The following MCM9 variants were observed in gnomAD, a reference collection of about 807,000 sequenced individuals.
MCM9 encodes the protein DNA helicase MCM9.
Under a neutral mutation model 72.8 loss-of-function variants are expected in MCM9, and 55 were observed. The observed-to-expected ratio is 0.76, with a 90% CI of 0.61 to 0.95. The LOEUF (loss-of-function observed/expected upper bound fraction) is 0.95, where lower values mean the gene tolerates loss of function less well. Ranked by LOEUF, MCM9 falls within the 40% of genes least tolerant of loss-of-function variation. The pLI is 0.00. For missense variants in MCM9, 1,279 were observed against 1,377.0 expected, an observed-to-expected ratio of 0.93 and a Z score of 1.13; for synonymous variants, 480 against 503.4, an observed-to-expected ratio of 0.95 and a Z score of 0.62.
chr6:118,928,568 G>C (rs1782097986), intron 3 of MCM9, among the ~76,000 whole-genome samples: 1 of 151,730 alleles, frequency 6.6e-6, no homozygotes, highest in Non-Finnish European at 1.5e-5. Flanking sequence ...AAGAAAACTA[G>C]AAGAATTCAT....
chr6:118,886,560 A>C (rs1458178103), intron 8 of MCM9, among the ~76,000 whole-genome samples: 3 of 152,354 alleles, frequency 2.0e-5, no homozygotes, highest in African/African-American at 7.2e-5. Context: ...ACACTTGGCA[A>C]AGAAGAATCT....
At chr6:118,893,138 A>G (rs1251095061) in intron 8 of MCM9, among the ~76,000 whole-genome samples, 3 of 152,318 alleles carry the variant, frequency 2.0e-5, no homozygotes, top group African/African-American at 7.2e-5. Flanking sequence ...AGGCTCACAA[A>G]TATGTTAAAG....
intron 8 of MCM9, among the ~76,000 whole-genome samples, chr6:118,888,718 C>T (rs1321531731): frequency 6.6e-6 from 1 of 152,004 alleles, no homozygotes; most frequent in Non-Finnish European, 1.5e-5. Context: ...CGTGGTATAC[C>T]TATACAATGG....
At chr6:118,818,001 T>C (rs997112411) in intron 13 of MCM9, among the ~76,000 whole-genome samples, 1 of 152,230 alleles carries the variant, frequency 6.6e-6, no homozygotes, top group Admixed American at 6.5e-5. Flanking sequence ...TATATTTTTT[T>C]AAGTTCCTTG....
chr6:118,839,023 A>C (rs1418539604), intron 9 of MCM9, among the ~76,000 whole-genome samples: 1 of 152,106 alleles, frequency 6.6e-6, no homozygotes, highest in African/African-American at 2.4e-5. Context: ...TGTGTTTTCC[A>C]ACTTGGTTCC....
intron 2 of MCM9, 50 bp downstream of exon 2, chr6:118,932,557 G>C (rs1782531353): frequency 1.1e-6 from 1 of 951,474 alleles, no homozygotes. Flanking sequence ...TCTCTCTTTA[G>C]TTATACACAC....
chr6:118,814,818 T>C lies in MCM9; in HGVS notation c.*6A>G. 1 of 1,485,618 alleles carries C rather than the reference T, an allele frequency of 6.7e-7. No individual in the cohort carries two copies. The highest frequency in any genetic ancestry group is 2.5e-5 in the East Asian group (1 of 40,396). 92.0% of individuals were successfully genotyped at this position (1,485,618 alleles called of 1,614,324 possible). ...AGGTGAGATTTGACCAGAAAGCTTT[T>C]CCCAACTATGACTTTTTTCTCATCT... is the stretch of plus-strand genomic sequence containing the variant. On this transcript the variant is annotated 3_prime_UTR_variant, in exon 14 of 14. Coordinates refer to ENST00000619706, the MANE Select transcript of MCM9 (RefSeq NM_017696.3).
In MCM9 at chr6:118,875,379, T is replaced by C. The variant is rs538504450; in HGVS notation, c.1151-18834A>G. On this transcript the variant is annotated intron_variant, in intron 8 of 13. Transcript: ENST00000619706. ...AGCTGGGCGCAGTGGCTCACATCTGTAATCCTAGCATTTTGGGAAGCCAAA... is the reference window on the plus strand; with the variant it reads ...AGCTGGGCGCAGTGGCTCACATCTGCAATCCTAGCATTTTGGGAAGCCAAA... Among the ~76,000 whole-genome samples the C allele has an allele frequency of 2.0e-5, 3 of 152,312 alleles. No homozygotes were observed. In the East Asian group the frequency reaches 5.8e-4, roughly 29 times the overall value.
rs759622734 is a variant in MCM9 at position 118,814,918 on chromosome 6, A to T, written c.3338T>A (p.Leu1113Gln). Residue 1113 changes from leucine to glutamine, a missense_variant, in exon 14 of 14, where the codon CTG becomes CAG. Coordinates refer to ENST00000619706, the MANE Select transcript of MCM9 (RefSeq NM_017696.3). ...GAAGAGGGATTCTTTGGAAACAATCAGTTTCTCGGTGGACCCACGGAGCTG... is the reference window on the plus strand; with the variant it reads ...GAAGAGGGATTCTTTGGAAACAATCTGTTTCTCGGTGGACCCACGGAGCTG... ...SFQLRGSTEK[L>Q]IVSKESLFTL... 3.6e-5 allele frequency: 55 copies of T among 1,549,250 alleles called. No homozygotes were observed. In the African/African-American group the frequency reaches 6.6e-4, roughly 19 times the overall value.
intron 9 of MCM9, among the ~76,000 whole-genome samples, chr6:118,853,762 G>C (rs1776377729): frequency 6.6e-6 from 1 of 152,108 alleles, no homozygotes; most frequent in African/African-American, 2.4e-5. Flanking sequence ...TCGGGCCTCT[G>C]TACTCTAACT....
intron 8 of MCM9, chr6:118,905,867 T>C: frequency 2.7e-6 from 4 of 1,466,188 alleles, no homozygotes; most frequent in South Asian, 1.4e-5. Flanking sequence ...ACTTTTACTA[T>C]GCAATTTTTA....
chr6:118,895,522 A>G (rs1203583191), intron 8 of MCM9, among the ~76,000 whole-genome samples: 1 of 152,268 alleles, frequency 6.6e-6, no homozygotes, highest in East Asian at 1.9e-4. Flanking sequence ...AACACACCCT[A>G]AACATAAAAC....
At chr6:118,824,341 C>CTTTTTTTTTTTT (rs1774023132) in intron 13 of MCM9, among the ~76,000 whole-genome samples, 1 of 136,572 alleles carries the variant, frequency 7.3e-6, no homozygotes, top group African/African-American at 3.1e-5. Flanking sequence ...TTATTTTAGT[C>CTTTTTTTTTTTT]TTTCTTTTTT....
chr6:118,922,564 A>AG (rs1781516634), intron 4 of MCM9, among the ~76,000 whole-genome samples: 1 of 152,222 alleles, frequency 6.6e-6, no homozygotes, highest in Non-Finnish European at 1.5e-5. Flanking sequence ...GTCATATGAT[A>AG]GAACTCTGAC....
intron 8 of MCM9, among the ~76,000 whole-genome samples, chr6:118,896,230 A>G (rs1779401699): frequency 6.6e-6 from 1 of 152,136 alleles, no homozygotes; most frequent in African/African-American, 2.4e-5. Flanking sequence ...TAAGCATTGC[A>G]GCTACCAGGC....
intron 9 of MCM9, among the ~76,000 whole-genome samples, chr6:118,843,497 G>A (rs1250316117): frequency 6.6e-6 from 1 of 150,558 alleles, no homozygotes; most frequent in East Asian, 1.9e-4. Flanking sequence ...GTGTGGTGAC[G>A]CATGCCTGTA....
At chr6:118,838,331 T>C (rs1307898922) in intron 9 of MCM9, among the ~76,000 whole-genome samples, 1 of 151,894 alleles carries the variant, frequency 6.6e-6, no homozygotes, top group Non-Finnish European at 1.5e-5. Flanking sequence ...CCTGGCTTTT[T>C]TGTATCTTTA....
chr6:118,837,425 T>C (rs1055956272), intron 9 of MCM9, among the ~76,000 whole-genome samples: 14 of 152,318 alleles, frequency 9.2e-5, no homozygotes, highest in South Asian at 2.1e-4. Flanking sequence ...AATATCCTTG[T>C]TAATTTTCTG....
At chr6:118,821,737 C>G (rs1773826824) in intron 13 of MCM9, among the ~76,000 whole-genome samples, 1 of 152,140 alleles carries the variant, frequency 6.6e-6, no homozygotes, top group Admixed American at 6.6e-5. Flanking sequence ...TCCATTCTCC[C>G]CATCATTTTC....
Sources: allele counts gnomAD v4.1 joint callset (sites outside exome capture counted in the v4.1 genomes callset), GRCh38; gene constraint gnomAD v4.1.1; transcripts MANE v1.5; gene names NCBI Gene and HGNC (gene_info 2026-07-23, HGNC 2026-07-21).